The following KAZN variants were observed in gnomAD, a reference collection of about 807,000 sequenced individuals.
KAZN encodes the protein kazrin.
KAZN carries 40 observed loss-of-function variants against 87.4 expected under a neutral mutation model. The observed-to-expected ratio is 0.46, with a 90% confidence interval of 0.36 to 0.60. The LOEUF (loss-of-function observed/expected upper bound fraction) is 0.60, where lower values mean the gene tolerates loss of function less well. Ranked by LOEUF, KAZN falls within the 20% of genes least tolerant of loss-of-function variation. The pLI is 0.00. For missense variants in KAZN, 898 were observed against 1,073.9 expected, an observed-to-expected ratio of 0.84 and a Z score of 2.29; for synonymous variants, 466 against 458.3, an observed-to-expected ratio of 1.02 and a Z score of -0.22.
At chr1:14,761,236 C>A (rs1032394291) in intron 1 of KAZN, among the ~76,000 whole-genome samples, 5 of 152,138 alleles carry the variant, frequency 3.3e-5, no homozygotes, top group Non-Finnish European at 7.4e-5. Flanking sequence ...CCTGGAGCCC[C>A]CTGCCTTGCT....
intron 1 of KAZN, among the ~76,000 whole-genome samples, chr1:14,800,198 A>C (rs1292656314): frequency 6.6e-6 from 1 of 152,194 alleles, no homozygotes; most frequent in Non-Finnish European, 1.5e-5. Flanking sequence ...TCCCAAAACC[A>C]AGAACCACAT....
At position 14,729,996 on chromosome 1, in the gene KAZN, G is replaced by A. The variant is rs572476158; in HGVS notation, c.226+130773G>A. On this transcript the variant is annotated intron_variant, in intron 1 of 14. Coordinates refer to ENST00000376030, the MANE Select transcript of KAZN (RefSeq NM_201628.3). ...TTGTCTATCACTGCTTTTGTGCTGCGATGACAGAGGCTGCATGTGGCCTGC... is the reference window on the plus strand; with the variant it reads ...TTGTCTATCACTGCTTTTGTGCTGCAATGACAGAGGCTGCATGTGGCCTGC... 3.9e-5 allele frequency among the ~76,000 whole-genome samples: 6 copies of A among 152,226 alleles called. No individual in the cohort carries two copies. The East Asian group carries it at 5.8e-4, about 15-fold the overall frequency.
At chr1:14,907,737 A>G (rs190808681) in intron 1 of KAZN, among the ~76,000 whole-genome samples, 278 of 152,292 alleles carry the variant, frequency 1.8e-3, no homozygotes, top group Non-Finnish European at 3.3e-3. Context: ...GGGTGGACAG[A>G]GTAAGGAAAG....
At chr1:14,041,166 A>G (rs1641823478) in intron 1 of KAZN, among the ~76,000 whole-genome samples, 2 of 152,184 alleles carry the variant, frequency 1.3e-5, no homozygotes, top group Non-Finnish European at 2.9e-5. Flanking sequence ...ATGAATGATC[A>G]ATTTTGAACA....
intron 1 of KAZN, among the ~76,000 whole-genome samples, chr1:13,960,040 A>G (rs1437572241): frequency 1.3e-5 from 2 of 152,154 alleles, no homozygotes; most frequent in East Asian, 1.9e-4. Flanking sequence ...AAAAACATGT[A>G]AACCCCACCC....
intron 1 of KAZN, among the ~76,000 whole-genome samples, chr1:14,846,957 G>A (rs917687945): frequency 4.6e-5 from 7 of 152,178 alleles, no homozygotes; most frequent in African/African-American, 1.7e-4. Flanking sequence ...GCGAGGGGCA[G>A]CAGGAACATG....
At chr1:14,131,838 C>T (rs935920107) in intron 1 of KAZN, among the ~76,000 whole-genome samples, 2 of 152,058 alleles carry the variant, frequency 1.3e-5, no homozygotes, top group Non-Finnish European at 2.9e-5. Flanking sequence ...TCCTCTGGAT[C>T]TGCTTGGTGG....
chr1:14,399,033 T>C (rs1663149141), intron 2 of KAZN, among the ~76,000 whole-genome samples: 1 of 152,066 alleles, frequency 6.6e-6, no homozygotes, highest in African/African-American at 2.4e-5. Flanking sequence ...GGGGGGGATT[T>C]TGTTTGTTTT....
At chr1:14,000,782 A>ATTT (rs201523239) in intron 1 of KAZN, among the ~76,000 whole-genome samples, 8 of 150,716 alleles carry the variant, frequency 5.3e-5, no homozygotes, top group South Asian at 2.1e-4. Flanking sequence ...AGATGACATG[A>ATTT]TTTTTTTTGT....
chr1:14,876,345 G>A (rs1051459999), intron 1 of KAZN, among the ~76,000 whole-genome samples: 14 of 152,356 alleles, frequency 9.2e-5, no homozygotes, highest in African/African-American at 2.6e-4. Flanking sequence ...GATAGTAGCT[G>A]CTGTGGGCTC....
chr1:14,734,215 G>A (rs557974735), intron 1 of KAZN, among the ~76,000 whole-genome samples: 7 of 152,204 alleles, frequency 4.6e-5, no homozygotes, highest in East Asian at 1.9e-4. Context: ...TGTACAGTGC[G>A]CCTGAAGCAC....
intron 2 of KAZN, among the ~76,000 whole-genome samples, chr1:14,453,926 G>C (rs879848219): frequency 2.0e-5 from 3 of 152,116 alleles, no homozygotes; most frequent in Non-Finnish European, 2.9e-5. Context: ...TTCCACTATG[G>C]CATCTTCTAT....
chr1:14,440,010 C>G (rs2101442692), intron 2 of KAZN, among the ~76,000 whole-genome samples: 1 of 152,212 alleles, frequency 6.6e-6, no homozygotes, highest in African/African-American at 2.4e-5. Context: ...CTACTTTTTT[C>G]TTTCTCACTG....
chr1:15,095,796 T>C (rs1640781966), intron 10 of KAZN, among the ~76,000 whole-genome samples: 1 of 152,004 alleles, frequency 6.6e-6, no homozygotes, highest in Admixed American at 6.6e-5. Context: ...GAAGCAGGGT[T>C]TGGGGTGGAA....
intron 1 of KAZN, among the ~76,000 whole-genome samples, chr1:14,073,047 A>G (rs916838789): frequency 6.6e-6 from 1 of 152,224 alleles, no homozygotes; most frequent in Non-Finnish European, 1.5e-5. Context: ...GAGCTAAAAC[A>G]TAGTGAATGA....
intron 2 of KAZN, among the ~76,000 whole-genome samples, chr1:14,496,145 G>A (rs1207849946): frequency 6.6e-6 from 1 of 152,118 alleles, no homozygotes; most frequent in African/African-American, 2.4e-5. Context: ...TGGTTATTTT[G>A]AATAAATTAG....
intron 1 of KAZN, among the ~76,000 whole-genome samples, chr1:14,847,359 C>T (rs536099672): frequency 5.3e-4 from 80 of 152,284 alleles, no homozygotes; most frequent in Middle Eastern, 6.8e-3. Context: ...GAAGAACAGA[C>T]ACTGGCTGTG....
intron 2 of KAZN, among the ~76,000 whole-genome samples, chr1:14,417,782 G>T (rs1259326878): frequency 6.6e-6 from 1 of 151,672 alleles, no homozygotes; most frequent in East Asian, 1.9e-4. Context: ...AGATTCCGAG[G>T]TCAGGAGATC....
At chr1:14,838,202 G>A (rs1428161229) in intron 1 of KAZN, among the ~76,000 whole-genome samples, 1 of 152,206 alleles carries the variant, frequency 6.6e-6, no homozygotes, top group African/African-American at 2.4e-5. Flanking sequence ...CTGTGGCTGT[G>A]TGAAGTCTCT....
Sources: allele counts gnomAD v4.1 joint callset (sites outside exome capture counted in the v4.1 genomes callset), GRCh38; gene constraint gnomAD v4.1.1; transcripts MANE v1.5; gene names NCBI Gene and HGNC (gene_info 2026-07-23, HGNC 2026-07-21).